SPATA16: variants seen among roughly 807,000 people sequenced by gnomAD.
SPATA16 encodes the protein spermatogenesis associated 16, also known as spermatogenesis-associated protein 16.
Under a neutral mutation model 63.3 loss-of-function variants are expected in SPATA16, and 36 were observed. The observed-to-expected ratio is 0.57, with a 90% confidence interval of 0.44 to 0.75. The LOEUF is 0.75. SPATA16 is among the 30% of genes least tolerant of loss of function. SPATA16 has a pLI of 0.00. For synonymous variants in SPATA16, 203 were observed against 216.7 expected (o/e 0.94, Z 0.56); for missense variants, 646 against 679.3 (o/e 0.95, Z 0.54).
chr3:173,130,255 G>T (rs2108347065), intron 1 of SPATA16, among the ~76,000 whole-genome samples: 1 of 151,050 alleles, frequency 6.6e-6, no homozygotes, highest in East Asian at 2.0e-4. Context: ...AGCTACTTGG[G>T]AGGCTGAGGC....
chr3:172,964,878 G>T lies in SPATA16; in HGVS notation c.934-8054C>A, dbSNP rs1733877321. ...GATGACTTTGAGTGGAAAGATCAGG[G>T]ATACCTCTGAAGAAGTGTATGTTGG... On this transcript the variant is annotated intron_variant, in intron 5 of 10. Coordinates refer to ENST00000351008, the MANE Select transcript of SPATA16 (RefSeq NM_031955.6). Among the ~76,000 whole-genome samples the T allele has an allele frequency of 6.6e-5, 10 of 152,130 alleles. 1 individual carries two copies. The highest frequency in any genetic ancestry group is 6.5e-4 in the Admixed American group (10 of 15,282).
chr3:172,965,874 C>A (rs1733908776), intron 5 of SPATA16, among the ~76,000 whole-genome samples: 2 of 152,156 alleles, frequency 1.3e-5, no homozygotes, highest in Admixed American at 1.3e-4. Context: ...CTGCGCCCGG[C>A]CTTTTCTTTA....
At chr3:173,014,992 A>T (rs2108273777) in intron 4 of SPATA16, among the ~76,000 whole-genome samples, 1 of 152,024 alleles carries the variant, frequency 6.6e-6, no homozygotes, top group South Asian at 2.1e-4. Flanking sequence ...TGAATGTGTT[A>T]TTCCTGTTTT....
At chr3:173,124,483 T>G (rs562558506) in intron 1 of SPATA16, among the ~76,000 whole-genome samples, 9 of 152,342 alleles carry the variant, frequency 5.9e-5, no homozygotes, top group African/African-American at 2.2e-4. Context: ...GTTTGGATCC[T>G]ATCCCTCCAG....
intron 2 of SPATA16, among the ~76,000 whole-genome samples, chr3:173,079,694 T>G (rs6445102): frequency 0.2 from 29,836 of 152,114 alleles, 3,436 homozygotes; most frequent in African/African-American, 0.33. Context: ...TTTTAACTCC[T>G]AATCAACAAC....
At chr3:173,115,026 A>G (rs1247513195) in intron 2 of SPATA16, among the ~76,000 whole-genome samples, 2 of 152,172 alleles carry the variant, frequency 1.3e-5, no homozygotes, top group Admixed American at 1.3e-4. Context: ...ATCAGTAATT[A>G]GTGTCAGCAT....
At position 172,984,892 on chromosome 3, in the gene SPATA16, G is replaced by A. The variant is rs1012644109; in HGVS notation, c.849-7840C>T. Reference sequence around the variant, plus strand: ...TTACTGAGAGCTTATCATGTACATAGCAAGTGCTTTTACATCTCATTTAAT... The same window carrying A: ...TTACTGAGAGCTTATCATGTACATAACAAGTGCTTTTACATCTCATTTAAT... On this transcript the variant is annotated intron_variant, in intron 4 of 10. Transcript: ENST00000351008. Among the ~76,000 whole-genome samples, 8 of 152,266 alleles carry A rather than the reference G, an allele frequency of 5.3e-5. No individual in the cohort carries two copies. In the South Asian group the frequency reaches 1.5e-3, roughly 28 times the overall value.
intron 10 of SPATA16, among the ~76,000 whole-genome samples, chr3:172,892,131 T>C (rs1417360613): frequency 6.6e-6 from 1 of 152,214 alleles, no homozygotes. Flanking sequence ...CATTCTTTTC[T>C]TCTATAAATT....
intron 2 of SPATA16, among the ~76,000 whole-genome samples, chr3:173,053,334 A>G (rs1736144626): frequency 6.6e-6 from 1 of 152,110 alleles, no homozygotes; most frequent in South Asian, 2.1e-4. Context: ...CCAAGATCAT[A>G]CCACTGCACT....
intron 3 of SPATA16, among the ~76,000 whole-genome samples, chr3:173,041,549 T>C (rs1735840564): frequency 6.6e-6 from 1 of 152,228 alleles, no homozygotes; most frequent in South Asian, 2.1e-4. Flanking sequence ...CCTTTCCTTT[T>C]GTGTTCCCAA....
rs1734159496 is a variant in SPATA16 at position 172,976,381 on chromosome 3, A to T, written c.933+587T>A. Among the ~76,000 whole-genome samples, 2 of 152,134 alleles carry T rather than the reference A, an allele frequency of 1.3e-5. 1 individual carries two copies. On this transcript the variant is annotated intron_variant, in intron 5 of 10. Coordinates refer to ENST00000351008, the MANE Select transcript of SPATA16 (RefSeq NM_031955.6). Reference sequence around the variant, plus strand: ...TAAAGTAAGAACAGATTCATGTCTTATAAATGAGATTGAACTAATAAATCC... The same window carrying T: ...TAAAGTAAGAACAGATTCATGTCTTTTAAATGAGATTGAACTAATAAATCC...
At chr3:173,071,676 A>ATGCAAATG (rs1736676977) in intron 2 of SPATA16, among the ~76,000 whole-genome samples, 1 of 152,238 alleles carries the variant, frequency 6.6e-6, no homozygotes, top group African/African-American at 2.4e-5. Flanking sequence ...AAAAGAAGAC[A>ATGCAAATG]TGCAAATGGC....
chr3:172,971,481 A>T (rs543970232), intron 5 of SPATA16, among the ~76,000 whole-genome samples: 1 of 152,340 alleles, frequency 6.6e-6, no homozygotes, highest in East Asian at 1.9e-4. Flanking sequence ...TTGAAAGCAG[A>T]TTAACTAGAG....
chr3:173,081,912 C>T (rs571055349), intron 2 of SPATA16, among the ~76,000 whole-genome samples: 1 of 152,262 alleles, frequency 6.6e-6, no homozygotes, highest in Non-Finnish European at 1.5e-5. Context: ...TATTCTAGAA[C>T]ATTAAGTTAA....
intron 4 of SPATA16, among the ~76,000 whole-genome samples, chr3:173,001,873 C>T (rs1334208237): frequency 6.6e-6 from 1 of 152,142 alleles, no homozygotes; most frequent in Non-Finnish European, 1.5e-5. Context: ...TCTAAGCTCC[C>T]TGCAAACTGG....
intron 10 of SPATA16, among the ~76,000 whole-genome samples, chr3:172,897,037 T>C (rs550549464): frequency 6.6e-6 from 1 of 152,284 alleles, no homozygotes; most frequent in South Asian, 2.1e-4. Context: ...TGTAGATTTT[T>C]TCCTATTCTT....
rs77608685 is a variant in SPATA16, at chr3:172,936,116, T to A, written c.1082-10624A>T. 7.0e-3 allele frequency among the ~76,000 whole-genome samples: 1,059 copies of A among 152,302 alleles called. 12 individuals carry two copies. Among genetic ancestry groups the A allele is most frequent in the African/African-American group, 0.025 (1,019 of 41,558 alleles). On this transcript the variant is annotated intron_variant, in intron 6 of 10. Transcript: ENST00000351008. ...TTCCTAGTTTCTGGCACAAAGCTCC[T>A]AAGACCTTTAGAATTACCTGAATTT... is the stretch of plus-strand genomic sequence containing the variant.
intron 3 of SPATA16, among the ~76,000 whole-genome samples, chr3:173,024,203 G>A (rs9856675): frequency 0.06 from 9,103 of 151,100 alleles, 963 homozygotes; most frequent in African/African-American, 0.21. Context: ...ACTTAATATC[G>A]CAATAATTTA....
chr3:172,955,153 G>A (rs1025707790), intron 6 of SPATA16, among the ~76,000 whole-genome samples: 2 of 152,068 alleles, frequency 1.3e-5, no homozygotes, highest in Non-Finnish European at 2.9e-5. Flanking sequence ...TTAAACTCTT[G>A]GCAGTGGTGC....
Sources: gnomAD v4.1 joint callset for allele counts (sites outside exome capture counted in the v4.1 genomes callset) on GRCh38, gnomAD v4.1.1 for gene constraint, MANE v1.5 for transcripts, NCBI Gene and HGNC (gene_info 2026-07-23, HGNC 2026-07-21) for gene names.